The following SEC23A variants were observed in gnomAD, a reference collection of about 807,000 sequenced individuals.
SEC23A encodes the protein protein transport protein Sec23A.
A neutral mutation model predicts 103.7 loss-of-function variants in SEC23A; 56 were observed. The ratio of observed to expected loss-of-function variants is 0.54; its 90% confidence interval spans 0.44 to 0.67. The LOEUF (loss-of-function observed/expected upper bound fraction) is 0.67. Ranked by LOEUF, SEC23A falls within the 30% of genes least tolerant of loss-of-function variation. SEC23A has a pLI of 0.00. For synonymous variants in SEC23A, 281 were observed against 293.0 expected (o/e 0.96, Z 0.42); for missense variants, 784 against 936.4 (o/e 0.84, Z 2.12).
At chr14:39,064,778 CTA>C in intron 11 of SEC23A, 133 bp downstream of exon 11, 1 of 745,052 alleles carries the variant, frequency 1.3e-6, no homozygotes, top group Non-Finnish European at 2.5e-6. Flanking sequence ...CAGGGTCTCT[CTA>C]TGTTGCCTGA....
At chr14:39,098,833 C>CA (rs1231997321) in intron 1 of SEC23A, among the ~76,000 whole-genome samples, 5 of 138,308 alleles carry the variant, frequency 3.6e-5, no homozygotes, top group African/African-American at 1.3e-4. Context: ...CTACATTTGA[C>CA]AAAAAATAAG....
chr14:39,074,263 T>C, intron 9 of SEC23A, 152 bp downstream of exon 9: 1 of 637,802 alleles, frequency 1.6e-6, no homozygotes, highest in Non-Finnish European at 2.8e-6. Context: ...AAGTGTGTTT[T>C]ACTGAAAGGA....
chr14:39,096,196 A>T, intron 1 of SEC23A, 57 bp from the exon 2 acceptor site: 3 of 1,159,128 alleles, frequency 2.6e-6, no homozygotes, highest in Non-Finnish European at 3.9e-6. Flanking sequence ...AACGTTCAAA[A>T]TATGAATGTT....
At position 39,096,183 on chromosome 14, in the gene SEC23A, A is replaced by C. The variant is rs960233891; in HGVS notation, c.-21-44T>G. On this transcript the variant is annotated intron_variant, in intron 1 of 19. Transcript: ENST00000307712. ...ATATTTTAAAATCCAGGATCCTCTT[A>C]AGAACGTTCAAAATATGAATGTTCT... The C allele has an allele frequency of 3.2e-6, 4 of 1,251,856 alleles. No individual in the cohort carries two copies. The Admixed American group carries it at 5.2e-5, about 16-fold the overall frequency. 77.5% of individuals were successfully genotyped at this position (1,251,856 alleles called of 1,614,324 possible).
intron 7 of SEC23A, among the ~76,000 whole-genome samples, chr14:39,080,302 G>A (rs1887179436): frequency 6.6e-6 from 1 of 151,756 alleles, no homozygotes; most frequent in Admixed American, 6.6e-5. Flanking sequence ...TTGGTAAGAG[G>A]CACTAAAGAA....
At position 39,094,397 on chromosome 14, in the gene SEC23A, CATATATAT is replaced by C. The variant is rs1242407974; in HGVS notation, c.222-1161_222-1154del. Among the ~76,000 whole-genome samples the C allele has an allele frequency of 6.3e-4, 5 of 7,908 alleles. 1 individual carries two copies. Among genetic ancestry groups the C allele is most frequent in the Admixed American group, 2.9e-3 (2 of 680 alleles). The allele number at this position is 7,908 out of a possible 152,430, so 5.2% of individuals were successfully genotyped here. A position where few individuals can be genotyped will look rare whatever the true frequency, so the allele number is the denominator to read the frequency against. ...ATACACACACACACACACACACACA[CATATATAT>C]ATATATATATATATATATATATATA... On this transcript the variant is annotated intron_variant, in intron 2 of 19. Transcript: ENST00000307712.
chr14:39,072,834 GACA>G (rs1191454283), intron 9 of SEC23A, among the ~76,000 whole-genome samples: 1 of 152,176 alleles, frequency 6.6e-6, no homozygotes, highest in South Asian at 2.1e-4. Context: ...TTAAAATACA[GACA>G]ACGACAAGTG....
chr14:39,063,500 GAAAAA>G (rs530578446), intron 11 of SEC23A, 87 bp from the exon 12 acceptor site: 1 of 709,786 alleles, frequency 1.4e-6, no homozygotes, highest in East Asian at 3.1e-5. Flanking sequence ...AAGACCACAG[GAAAAA>G]AAAAAGTCAT....
chr14:39,057,795 C>T (rs1485797150), intron 13 of SEC23A, among the ~76,000 whole-genome samples: 2 of 152,068 alleles, frequency 1.3e-5, no homozygotes, highest in East Asian at 1.9e-4. Flanking sequence ...TATAGAAATA[C>T]AAAAATAAAG....
At chr14:39,059,403 A>G (rs1221541840) in intron 13 of SEC23A, among the ~76,000 whole-genome samples, 1 of 152,040 alleles carries the variant, frequency 6.6e-6, no homozygotes, top group Non-Finnish European at 1.5e-5. Context: ...AAATGGCACC[A>G]TAACACACAT....
intron 7 of SEC23A, among the ~76,000 whole-genome samples, chr14:39,082,492 A>G (rs546085522): frequency 6.6e-6 from 1 of 152,282 alleles, no homozygotes; most frequent in Admixed American, 6.5e-5. Context: ...AGATATTTAT[A>G]ATTACAATAG....
At chr14:39,046,899 G>A (rs1885857873) in intron 15 of SEC23A, among the ~76,000 whole-genome samples, 1 of 152,116 alleles carries the variant, frequency 6.6e-6, no homozygotes. Context: ...CCTATATGTT[G>A]CTCCTGCCTG....
intron 15 of SEC23A, chr14:39,047,500 A>C: frequency 1.3e-6 from 1 of 778,272 alleles, no homozygotes; most frequent in Non-Finnish European, 1.8e-6. Flanking sequence ...CAAAACAAAA[A>C]CAACAACAAC....
At chr14:39,078,838 G>C (rs1253341837) in intron 7 of SEC23A, among the ~76,000 whole-genome samples, 4 of 151,880 alleles carry the variant, frequency 2.6e-5, no homozygotes, top group Non-Finnish European at 5.9e-5. Flanking sequence ...TATATAAAGA[G>C]ATATAGAGGT....
chr14:39,054,293 T>C (rs1037103286), intron 14 of SEC23A, among the ~76,000 whole-genome samples: 1 of 150,112 alleles, frequency 6.7e-6, no homozygotes, highest in African/African-American at 2.4e-5. Context: ...AAAAAGGGAC[T>C]AAGCTTAATC....
At chr14:39,061,100 AGTTT>A (rs1299646184) in intron 13 of SEC23A, among the ~76,000 whole-genome samples, 1 of 152,182 alleles carries the variant, frequency 6.6e-6, no homozygotes, top group Non-Finnish European at 1.5e-5. Flanking sequence ...TAAAACAGGG[AGTTT>A]GTTTTAAATC....
intron 13 of SEC23A, among the ~76,000 whole-genome samples, chr14:39,060,103 A>ACG (rs1555327792): frequency 1.7e-3 from 258 of 151,126 alleles, no homozygotes; most frequent in African/African-American, 5.9e-3. Flanking sequence ...GTGCACACAC[A>ACG]TGTGTGTGTG....
intron 6 of SEC23A, among the ~76,000 whole-genome samples, chr14:39,086,129 C>T (rs779505466): frequency 6.6e-6 from 1 of 151,978 alleles, no homozygotes; most frequent in Admixed American, 6.6e-5. Flanking sequence ...GGAGTGGAGC[C>T]GAAGAATTTG....
At position 39,032,264 on chromosome 14, in the gene SEC23A, T is replaced by C. The variant is rs1356992734; in HGVS notation, c.*975A>G. On this transcript the variant is annotated 3_prime_UTR_variant, in exon 20 of 20. Coordinates refer to ENST00000307712, the MANE Select transcript of SEC23A (RefSeq NM_006364.4). ...CAAAATAGAACTGAGCATCACATGATATAATTAAGCAAACATTATATAATA... is the reference window on the plus strand; with the variant it reads ...CAAAATAGAACTGAGCATCACATGACATAATTAAGCAAACATTATATAATA... 1 of 152,618 alleles carries C rather than the reference T, an allele frequency of 6.6e-6. No individual in the cohort carries two copies. The highest frequency in any genetic ancestry group is 1.9e-4 in the East Asian group (1 of 5,206). The allele number at this position is 152,618 out of a possible 1,614,324, so 9.5% of individuals were successfully genotyped here. A position where few individuals can be genotyped will look rare whatever the true frequency, so the allele number is the denominator to read the frequency against.
Sources: allele counts gnomAD v4.1 joint callset (sites outside exome capture counted in the v4.1 genomes callset), GRCh38; gene constraint gnomAD v4.1.1; transcripts MANE v1.5; gene names NCBI Gene and HGNC (gene_info 2026-07-23, HGNC 2026-07-21).